The following ARHGAP21 variants were observed in gnomAD, a reference collection of about 807,000 sequenced individuals.
ARHGAP21 encodes the protein rho GTPase-activating protein 21.
A neutral mutation model predicts 164.6 loss-of-function variants in ARHGAP21; 38 were observed. The ratio of observed to expected loss-of-function variants is 0.23; its 90% CI spans 0.18 to 0.30. ARHGAP21 has a LOEUF of 0.30. Ranked by LOEUF, ARHGAP21 falls within the 10% of genes least tolerant of loss-of-function variation. The pLI is 1.00. For synonymous variants in ARHGAP21, 766 were observed against 857.9 expected (o/e 0.89, Z 1.87); for missense variants, 1,822 against 2,370.7 (o/e 0.77, Z 4.81).
chr10:24,613,815 C>T (rs1360200664), intron 9 of ARHGAP21, among the ~76,000 whole-genome samples: 1 of 152,192 alleles, frequency 6.6e-6, no homozygotes, highest in Non-Finnish European at 1.5e-5. Flanking sequence ...CAGGTCAGCA[C>T]AGCAAGGGCT....
chr10:24,667,077 G>T, intron 3 of ARHGAP21, 68 bp from the exon 4 acceptor site: 1 of 877,310 alleles, frequency 1.1e-6, no homozygotes, highest in Non-Finnish European at 1.7e-6. Flanking sequence ...TCACAGCAAG[G>T]CTCAATTTAA....
At position 24,688,786 on chromosome 10, in the gene ARHGAP21, C is replaced by G. The variant is rs534344863; in HGVS notation, c.64-18389G>C. On this transcript the variant is annotated intron_variant, in intron 2 of 25. Transcript: ENST00000396432. ...GAGTTAAGCTCCGTCCTAAAAGAACCCATGCCCCATGAATAGGAAGAAAGA... is the reference window on the plus strand; with the variant it reads ...GAGTTAAGCTCCGTCCTAAAAGAACGCATGCCCCATGAATAGGAAGAAAGA... Among the ~76,000 whole-genome samples, 8 of 152,224 alleles carry G rather than the reference C, an allele frequency of 5.3e-5. No homozygotes were observed. In the South Asian group the frequency reaches 1.7e-3, roughly 32 times the overall value.
intron 7 of ARHGAP21, among the ~76,000 whole-genome samples, chr10:24,624,337 C>CTTTTTTT (rs565872094): frequency 0.38 from 38,680 of 101,584 alleles, 8,795 homozygotes; most frequent in Non-Finnish European, 0.45. Flanking sequence ...TGTTCTAGAA[C>CTTTTTTT]TTTTTTTTTT....
Position 24,644,465 on chromosome 10 carries a change from G to A in ARHGAP21, c.269-9362C>T, listed in dbSNP as rs138623261. Among the ~76,000 whole-genome samples the A allele has an allele frequency of 3.0e-3, 454 of 152,120 alleles. 5 individuals are homozygous for A. Among genetic ancestry groups the A allele is most frequent in the African/African-American group, 0.011 (446 of 41,516 alleles). ...AACTACCCCACCCTGACCTTGTCACGGTTTGCTGCTCTAATTTTTATGTTC... is the reference window on the plus strand; with the variant it reads ...AACTACCCCACCCTGACCTTGTCACAGTTTGCTGCTCTAATTTTTATGTTC... On this transcript the variant is annotated intron_variant, in intron 4 of 25. Transcript: ENST00000396432.
chr10:24,628,862 CATATATACATACATATATACACAT>C (rs1441996414), intron 7 of ARHGAP21, among the ~76,000 whole-genome samples: 3 of 125,340 alleles, frequency 2.4e-5, no homozygotes, highest in East Asian at 4.4e-4. Context: ...TATATATACA[CATATATACATACATATATACACAT>C]ATATATACAT....
intron 9 of ARHGAP21, among the ~76,000 whole-genome samples, chr10:24,609,481 T>G (rs1320372775): frequency 6.6e-6 from 1 of 152,186 alleles, no homozygotes; most frequent in African/African-American, 2.4e-5. Flanking sequence ...AGACTAACAT[T>G]GGGCTTACTC....
chr10:24,597,550 C>A lies in ARHGAP21; in HGVS notation c.3231G>T (p.Gln1077His). 6.2e-7 allele frequency: 1 copy of A among 1,614,108 alleles called. No individual in the cohort carries two copies. Among genetic ancestry groups the A allele is most frequent in the Non-Finnish European group, 8.5e-7 (1 of 1,179,982 alleles). ...KAEQLPKTPR[Q>H]SLSIRQTLLG... Reference sequence around the variant, plus strand: ...GCAAAGTTTGCCTGATGCTGAGACTCTGGCGAGGTGTTTTTGGCAACTGTT... The same window carrying A: ...GCAAAGTTTGCCTGATGCTGAGACTATGGCGAGGTGTTTTTGGCAACTGTT... Residue 1077 changes from glutamine to histidine, a missense_variant, in exon 16 of 26, where the codon CAG (glutamine) becomes CAT (histidine). Transcript: ENST00000396432.
chr10:24,683,384 A>G (rs1284755928), intron 2 of ARHGAP21, among the ~76,000 whole-genome samples: 48 of 152,044 alleles, frequency 3.2e-4, no homozygotes, highest in Admixed American at 3.1e-3. Flanking sequence ...TGATATTTTC[A>G]CTATATTTAT....
rs545950986 is a variant in ARHGAP21 at position 24,627,411 on chromosome 10, A to T, written c.495+2585T>A. Among the ~76,000 whole-genome samples, 13 of 152,322 alleles carry T rather than the reference A, an allele frequency of 8.5e-5. No homozygotes were observed. In the South Asian group the frequency reaches 2.7e-3, roughly 32 times the overall value. On this transcript the variant is annotated intron_variant, in intron 7 of 25. Coordinates refer to ENST00000396432, the MANE Select transcript of ARHGAP21 (RefSeq NM_020824.4). Reference sequence around the variant, plus strand: ...CTGGAATATATGTTAGAGACAGAAAATTATATATTCCTTTGATTTCTTAAT... The same window carrying T: ...CTGGAATATATGTTAGAGACAGAAATTTATATATTCCTTTGATTTCTTAAT...
chr10:24,603,793 T>C (rs181527003), intron 12 of ARHGAP21, among the ~76,000 whole-genome samples: 10 of 151,952 alleles, frequency 6.6e-5, no homozygotes, highest in African/African-American at 1.7e-4. Context: ...AGGTCAGGAG[T>C]TCGAGACCAG....
intron 2 of ARHGAP21, among the ~76,000 whole-genome samples, chr10:24,674,793 A>G (rs1050973287): frequency 2.6e-5 from 4 of 152,212 alleles, no homozygotes; most frequent in Admixed American, 6.5e-5. Context: ...ATGGGAGAAT[A>G]TATTTGCAAA....
chr10:24,662,134 A>T (rs571751235), intron 4 of ARHGAP21, among the ~76,000 whole-genome samples: 11 of 152,304 alleles, frequency 7.2e-5, no homozygotes, highest in African/African-American at 2.6e-4. Flanking sequence ...ACAGCCTCTA[A>T]ACCTGGGATC....
chr10:24,590,359 C>A (rs1224301943), intron 24 of ARHGAP21: 1 of 1,535,346 alleles, frequency 6.5e-7, no homozygotes, highest in Middle Eastern at 1.7e-4. Flanking sequence ...GGGATTTCTG[C>A]AGACAAGGCA....
In ARHGAP21 at chr10:24,689,938, ATATG is replaced by A. The variant is rs1177032255; in HGVS notation, c.64-19545_64-19542del. ...TATATGTATATGTATGTATATGTAT[ATATG>A]TATATGTGTGTGTGTGTGTGTGTAT... On this transcript the variant is annotated intron_variant, in intron 2 of 25. Coordinates refer to ENST00000396432, the MANE Select transcript of ARHGAP21 (RefSeq NM_020824.4). 2.8e-4 allele frequency among the ~76,000 whole-genome samples: 35 copies of A among 124,050 alleles called. 1 individual carries two copies. Among genetic ancestry groups the A allele is most frequent in the African/African-American group, 8.2e-4 (25 of 30,422 alleles). The allele number at this position is 124,050 out of a possible 152,430, so 81.4% of individuals were successfully genotyped here. A position where few individuals can be genotyped will look rare whatever the true frequency, so the allele number is the denominator to read the frequency against.
chr10:24,590,347 C>T (rs975642496), intron 24 of ARHGAP21: 27 of 1,535,108 alleles, frequency 1.8e-5, no homozygotes, highest in African/African-American at 1.4e-4. Flanking sequence ...TTACAAGAAT[C>T]GGGGATTTCT....
intron 16 of ARHGAP21, 34 bp downstream of exon 16, chr10:24,597,413 T>C (rs763642338): frequency 2.5e-6 from 4 of 1,598,492 alleles, no homozygotes; most frequent in African/African-American, 2.7e-5. Context: ...TTTTAAATCA[T>C]TATATTTATT....
chr10:24,612,780 G>A (rs1482898106), intron 9 of ARHGAP21, among the ~76,000 whole-genome samples: 2 of 152,062 alleles, frequency 1.3e-5, no homozygotes, highest in African/African-American at 2.4e-5. Flanking sequence ...GCATGAACCC[G>A]GGAGGCAGAG....
chr10:24,715,114 T>C (rs531807753), intron 2 of ARHGAP21, among the ~76,000 whole-genome samples: 2 of 152,300 alleles, frequency 1.3e-5, no homozygotes, highest in South Asian at 4.1e-4. Flanking sequence ...CTTTTTAGTA[T>C]TGTTTTAAGC....
intron 2 of ARHGAP21, among the ~76,000 whole-genome samples, chr10:24,679,266 C>A (rs547316651): frequency 6.6e-6 from 1 of 152,282 alleles, no homozygotes; most frequent in African/African-American, 2.4e-5. Flanking sequence ...GATCAAGGCA[C>A]CGGCAGATTC....
Sources: gnomAD v4.1 joint callset for allele counts (sites outside exome capture counted in the v4.1 genomes callset) on GRCh38, gnomAD v4.1.1 for gene constraint, MANE v1.5 for transcripts, NCBI Gene and HGNC (gene_info 2026-07-23, HGNC 2026-07-21) for gene names.